Variants in COL23A1 observed in about 807,000 individuals in gnomAD.
COL23A1 encodes the protein collagen type XXIII alpha 1 chain.
COL23A1 carries 97 observed loss-of-function variants against 99.3 expected under a neutral mutation model. The ratio of observed to expected loss-of-function variants is 0.98; its 90% confidence interval spans 0.83 to 1.16. The LOEUF (loss-of-function observed/expected upper bound fraction) is 1.16, where lower values mean the gene tolerates loss of function less well. Ranked by LOEUF, COL23A1 falls within the 50% of genes most tolerant of loss-of-function variation. COL23A1 has a pLI of 0.00. For missense variants in COL23A1, 762 were observed against 757.4 expected (o/e 1.01, Z -0.07); for synonymous variants, 320 against 308.2 (o/e 1.04, Z -0.40).
At chr5:178,432,970 C>T (rs1391389867) in intron 2 of COL23A1, among the ~76,000 whole-genome samples, 1 of 152,136 alleles carries the variant, frequency 6.6e-6, no homozygotes, top group Non-Finnish European at 1.5e-5. Flanking sequence ...TACTGGTAGC[C>T]CTGGACTGCT....
At chr5:178,286,881 G>A (rs555310993) in intron 5 of COL23A1, among the ~76,000 whole-genome samples, 1 of 151,578 alleles carries the variant, frequency 6.6e-6, no homozygotes, top group Non-Finnish European at 1.5e-5. Context: ...CAATGGAGAA[G>A]AGGGGGAGGA....
At chr5:178,319,428 G>A (rs1379503576) in intron 2 of COL23A1, among the ~76,000 whole-genome samples, 3 of 151,970 alleles carry the variant, frequency 2.0e-5, no homozygotes, top group Non-Finnish European at 4.4e-5. Context: ...AAGGTCATTC[G>A]TGTGAGCTTT....
chr5:178,327,760 G>GCTA (rs1759775391), intron 2 of COL23A1, among the ~76,000 whole-genome samples: 1 of 152,148 alleles, frequency 6.6e-6, no homozygotes, highest in African/African-American at 2.4e-5. Context: ...CAACCACTGG[G>GCTA]CTACCTGCTC....
intron 18 of COL23A1, among the ~76,000 whole-genome samples, chr5:178,249,716 A>ACACACACACACACACACTCTCTCT: frequency 3.2e-5 from 3 of 92,804 alleles, no homozygotes; most frequent in African/African-American, 1.3e-4. Context: ...ACACACACAC[A>ACACACACACACACACACTCTCTCT]CTCTCTCTCT....
At chr5:178,372,376 TTGGCGTTAGCCC>T (rs1762846672) in intron 2 of COL23A1, among the ~76,000 whole-genome samples, 1 of 152,234 alleles carries the variant, frequency 6.6e-6, no homozygotes, top group Non-Finnish European at 1.5e-5. Context: ...GACTCTGGTG[TTGGCGTTAGCCC>T]TGGCCTTATT....
chr5:178,507,468 G>A (rs1176899776), intron 2 of COL23A1, among the ~76,000 whole-genome samples: 1 of 152,190 alleles, frequency 6.6e-6, no homozygotes, highest in African/African-American at 2.4e-5. Flanking sequence ...CAAAGCCTCA[G>A]GTCCCTGCTC....
chr5:178,543,671 T>C (rs952271319), intron 2 of COL23A1, among the ~76,000 whole-genome samples: 3 of 152,158 alleles, frequency 2.0e-5, no homozygotes, highest in Non-Finnish European at 4.4e-5. Flanking sequence ...CCTGCATCTC[T>C]CAGCTCCTCC....
intron 2 of COL23A1, among the ~76,000 whole-genome samples, chr5:178,326,300 G>A (rs1310337851): frequency 2.6e-5 from 4 of 151,934 alleles, no homozygotes; most frequent in Non-Finnish European, 5.9e-5. Flanking sequence ...ATTTCTGAAC[G>A]TCCCTAAACA....
At chr5:178,473,551 C>A (rs1171928158) in intron 2 of COL23A1, among the ~76,000 whole-genome samples, 20 of 148,432 alleles carry the variant, frequency 1.3e-4, no homozygotes, top group Admixed American at 9.6e-4. Context: ...TGGGCTCAAG[C>A]AAACCACCCA....
At chr5:178,482,190 A>G (rs1259050363) in intron 2 of COL23A1, among the ~76,000 whole-genome samples, 1 of 152,186 alleles carries the variant, frequency 6.6e-6, no homozygotes, top group African/African-American at 2.4e-5. Flanking sequence ...AACAGCCAAA[A>G]GGTTAACAAC....
At chr5:178,458,537 T>A (rs183392990) in intron 2 of COL23A1, among the ~76,000 whole-genome samples, 512 of 152,022 alleles carry the variant, frequency 3.4e-3, no homozygotes, top group Non-Finnish European at 6.0e-3. Flanking sequence ...CTCAGGAGGC[T>A]GAGTCATGAG....
chr5:178,397,300 T>G (rs1248877726), intron 2 of COL23A1, among the ~76,000 whole-genome samples: 2 of 152,234 alleles, frequency 1.3e-5, no homozygotes, highest in Non-Finnish European at 2.9e-5. Flanking sequence ...GGATGCTGCG[T>G]TAGCAAGACG....
rs112106469 is a variant in COL23A1, at chr5:178,434,817, A to G, written c.361+125865T>C. The stretch of plus-strand genomic sequence containing the variant: ...GGGCCCCAGTGCTAGAGCTTAATGG[A>G]GATGGGATTCCAGCTCAGGGCTGGT... On this transcript the variant is annotated intron_variant, in intron 2 of 28. Coordinates refer to ENST00000390654, the MANE Select transcript of COL23A1 (RefSeq NM_173465.4). The surrounding 1 kb of genome is among the most constrained non-coding windows in gnomAD (Gnocchi z 4.3). Among the ~76,000 whole-genome samples the G allele has an allele frequency of 1.3e-5, 2 of 152,336 alleles. No homozygotes were observed. Among genetic ancestry groups the G allele is most frequent in the African/African-American group, 4.8e-5 (2 of 41,572 alleles).
intron 2 of COL23A1, among the ~76,000 whole-genome samples, chr5:178,530,032 C>T (rs1011214981): frequency 6.6e-6 from 1 of 152,180 alleles, no homozygotes; most frequent in Non-Finnish European, 1.5e-5. Flanking sequence ...CGGTCTTGCC[C>T]TGAGAAGTCT....
chr5:178,463,847 G>A (rs1340988836), intron 2 of COL23A1, among the ~76,000 whole-genome samples: 1 of 152,180 alleles, frequency 6.6e-6, no homozygotes, highest in Non-Finnish European at 1.5e-5. Context: ...CCTTTGGCCT[G>A]CCTGGTCCAT....
chr5:178,531,571 A>T (rs1760653495), intron 2 of COL23A1, among the ~76,000 whole-genome samples: 1 of 152,220 alleles, frequency 6.6e-6, no homozygotes, highest in African/African-American at 2.4e-5. Flanking sequence ...TCCTGCAAGA[A>T]GATAATCCCC....
intron 3 of COL23A1, among the ~76,000 whole-genome samples, chr5:178,303,709 C>T (rs933558795): frequency 6.6e-6 from 1 of 152,246 alleles, no homozygotes; most frequent in African/African-American, 2.4e-5. Flanking sequence ...CATTTGCCCA[C>T]AAGTGCCTCT....
At chr5:178,408,988 ACACACAC>A (rs1764918369) in intron 2 of COL23A1, among the ~76,000 whole-genome samples, 1 of 127,938 alleles carries the variant, frequency 7.8e-6, no homozygotes, top group East Asian at 2.0e-4. Context: ...ACACACACAC[ACACACAC>A]ACACACACAC....
In COL23A1 at chr5:178,434,051, G is replaced by A. The variant is rs900197362; in HGVS notation, c.361+126631C>T. Among the ~76,000 whole-genome samples, 4 of 152,270 alleles carry A rather than the reference G, an allele frequency of 2.6e-5. No individual in the cohort carries two copies. Among genetic ancestry groups the A allele is most frequent in the Non-Finnish European group, 5.9e-5 (4 of 68,016 alleles). On this transcript the variant is annotated intron_variant, in intron 2 of 28. Transcript: ENST00000390654. The surrounding 1 kb of genome is among the most constrained non-coding windows in gnomAD (Gnocchi z 4.3). Reference sequence around the variant, plus strand: ...CCTTGATCTCAGAGCTCCAGCCTCCGGGCCTGAGAAAATAAATGTCCATTG... The same window carrying A: ...CCTTGATCTCAGAGCTCCAGCCTCCAGGCCTGAGAAAATAAATGTCCATTG...
Sources: allele counts gnomAD v4.1 joint callset (sites outside exome capture counted in the v4.1 genomes callset), GRCh38; gene constraint gnomAD v4.1.1; non-coding constraint Gnocchi (gnomAD v3.1); transcripts MANE v1.5; gene names NCBI Gene and HGNC (gene_info 2026-07-23, HGNC 2026-07-21).